The following HPSE2 variants were observed in gnomAD, a reference collection of about 807,000 sequenced individuals.
HPSE2 encodes the protein inactive heparanase-2.
In HPSE2, 38 loss-of-function variants were observed where a neutral mutation model predicts 60.5. The ratio of observed to expected loss-of-function variants is 0.63; its 90% confidence interval spans 0.48 to 0.82. HPSE2 has a LOEUF of 0.82. Ranked by LOEUF, HPSE2 falls within the 40% of genes least tolerant of loss-of-function variation. The pLI is 0.00. For synonymous variants in HPSE2, 295 were observed against 293.2 expected, an observed-to-expected ratio of 1.01 and a Z score of -0.06; for missense variants, 713 against 740.4, an observed-to-expected ratio of 0.96 and a Z score of 0.43.
the HPSE2 span, among the ~76,000 whole-genome samples, chr10:99,254,790 A>T: frequency 6.6e-6 from 1 of 152,198 alleles, no homozygotes; most frequent in African/African-American, 2.4e-5. Flanking sequence ...TGAAAACATT[A>T]TGCTAAGTGA....
intron 2 of HPSE2, among the ~76,000 whole-genome samples, chr10:99,149,844 A>T (rs190083282): frequency 3.3e-5 from 5 of 152,228 alleles, no homozygotes; most frequent in Admixed American, 3.3e-4. Flanking sequence ...CTAAACGAAA[A>T]ATTAAAAACC....
intron 9 of HPSE2, among the ~76,000 whole-genome samples, chr10:98,550,941 C>T (rs1002465296): frequency 6.6e-6 from 1 of 152,156 alleles, no homozygotes; most frequent in African/African-American, 2.4e-5. Context: ...AGTTGTACCT[C>T]CAGTACCTGG....
At chr10:99,179,436 C>T (rs1489008913) in intron 2 of HPSE2, among the ~76,000 whole-genome samples, 7 of 152,188 alleles carry the variant, frequency 4.6e-5, no homozygotes, top group Admixed American at 2.6e-4. Flanking sequence ...AATCAATGTG[C>T]AAAAATCACA....
chr10:98,911,184 G>C (rs1409011629), intron 3 of HPSE2, among the ~76,000 whole-genome samples: 1 of 152,162 alleles, frequency 6.6e-6, no homozygotes, highest in African/African-American at 2.4e-5. Flanking sequence ...ATTTCTTTGA[G>C]CAAGACATGA....
intron 9 of HPSE2, among the ~76,000 whole-genome samples, chr10:98,527,395 G>T (rs114838380): frequency 0.032 from 4,906 of 152,106 alleles, 151 homozygotes; most frequent in African/African-American, 0.085. Context: ...CTCCAACCTC[G>T]TTTCCTACCA....
intron 10 of HPSE2, among the ~76,000 whole-genome samples, chr10:98,486,906 C>T (rs1941460866): frequency 6.6e-6 from 1 of 152,154 alleles, no homozygotes; most frequent in Non-Finnish European, 1.5e-5. Flanking sequence ...ACACTTAACT[C>T]ATCAAAATAT....
chr10:99,160,163 CACCA>C (rs1846767754), intron 2 of HPSE2, among the ~76,000 whole-genome samples: 1 of 151,214 alleles, frequency 6.6e-6, no homozygotes, highest in African/African-American at 2.4e-5. Flanking sequence ...AAAGATAAGC[CACCA>C]ACTGAGAAAA....
intron 9 of HPSE2, among the ~76,000 whole-genome samples, chr10:98,554,807 T>C (rs1169598372): frequency 3.9e-5 from 6 of 152,180 alleles, no homozygotes; most frequent in Admixed American, 1.3e-4. Context: ...GGGTAGGTCA[T>C]GTTTCCTCTC....
chr10:98,466,410 G>A (rs368180160), intron 11 of HPSE2, among the ~76,000 whole-genome samples: 1 of 151,970 alleles, frequency 6.6e-6, no homozygotes, highest in Admixed American at 6.6e-5. Context: ...TCAGGAGTTC[G>A]AGACCAGCCT....
chr10:99,293,809 C>G, the HPSE2 span, among the ~76,000 whole-genome samples: 6 of 152,038 alleles, frequency 3.9e-5, no homozygotes, highest in Non-Finnish European at 7.4e-5. Flanking sequence ...TTACAAGAGA[C>G]AGAAAATAGA....
intron 3 of HPSE2, among the ~76,000 whole-genome samples, chr10:98,949,259 C>T (rs994664239): frequency 1.9e-4 from 22 of 115,534 alleles, no homozygotes; most frequent in Non-Finnish European, 3.4e-4. Context: ...TGCACACACA[C>T]ACACACACAC....
chr10:99,187,533 A>G (rs980856051), intron 2 of HPSE2, among the ~76,000 whole-genome samples: 1 of 152,220 alleles, frequency 6.6e-6, no homozygotes, highest in Non-Finnish European at 1.5e-5. Context: ...ATATATAAAA[A>G]CACAGTTCAA....
At chr10:99,276,813 T>C in the HPSE2 span, among the ~76,000 whole-genome samples, 1 of 152,158 alleles carries the variant, frequency 6.6e-6, no homozygotes, top group Non-Finnish European at 1.5e-5. Flanking sequence ...TCAAATTAGA[T>C]GCCGTGGAGT....
At chr10:98,847,553 T>C (rs78607688) in intron 3 of HPSE2, among the ~76,000 whole-genome samples, 61 of 152,316 alleles carry the variant, frequency 4.0e-4, no homozygotes, top group African/African-American at 1.4e-3. Context: ...GGATTAGAAA[T>C]ACATTTCTCT....
chr10:98,862,129 T>C (rs1280968836), intron 3 of HPSE2, among the ~76,000 whole-genome samples: 1 of 152,192 alleles, frequency 6.6e-6, no homozygotes, highest in Non-Finnish European at 1.5e-5. Context: ...CTCAGATAGA[T>C]ATCTCATTGT....
At chr10:99,289,499 T>A in the HPSE2 span, among the ~76,000 whole-genome samples, 1 of 151,870 alleles carries the variant, frequency 6.6e-6, no homozygotes, top group Non-Finnish European at 1.5e-5. Flanking sequence ...CAGTTTATAT[T>A]ATTCTGATTG....
rs1954804814 is a variant in HPSE2, at chr10:98,936,770, G to T, written c.611-192714C>A. Among the ~76,000 whole-genome samples, 3 of 142,326 alleles carry T rather than the reference G, an allele frequency of 2.1e-5. No homozygotes were observed. In the South Asian group the frequency reaches 6.4e-4, roughly 30 times the overall value. 93.4% of individuals were successfully genotyped at this position (142,326 alleles called of 152,430 possible). ...CCGAGGTGGGTGGATTATGAGGTCA[G>T]AAGTTCAAGACTAGCCTGGCCAACA... On this transcript the variant is annotated intron_variant, in intron 3 of 11. Coordinates refer to ENST00000370552, the MANE Select transcript of HPSE2 (RefSeq NM_021828.5).
chr10:98,875,557 A>G (rs1049405640), intron 3 of HPSE2, among the ~76,000 whole-genome samples: 7 of 151,876 alleles, frequency 4.6e-5, no homozygotes, highest in African/African-American at 1.7e-4. Context: ...CCAAAAAAAA[A>G]ACCATGACCA....
intron 3 of HPSE2, among the ~76,000 whole-genome samples, chr10:99,139,643 T>C (rs1046922901): frequency 1.3e-5 from 2 of 152,072 alleles, no homozygotes; most frequent in East Asian, 3.9e-4. Context: ...AAAACATGTC[T>C]TTCACCATTG....
Sources: allele counts gnomAD v4.1 joint callset (sites outside exome capture counted in the v4.1 genomes callset), GRCh38; gene constraint gnomAD v4.1.1; transcripts MANE v1.5; gene names NCBI Gene and HGNC (gene_info 2026-07-23, HGNC 2026-07-21).